PLS1: variants seen among roughly 807,000 people sequenced by gnomAD.
PLS1 encodes the protein plastin-1.
A neutral mutation model predicts 73.7 loss-of-function variants in PLS1; 32 were observed. That is an observed-to-expected ratio of 0.43 (90% CI 0.33 to 0.58). The LOEUF (loss-of-function observed/expected upper bound fraction) is 0.58, where lower values mean the gene tolerates loss of function less well. Ranked by LOEUF, PLS1 falls within the 20% of genes least tolerant of loss-of-function variation. The pLI, the probability that PLS1 is intolerant of heterozygous loss-of-function variation, is 0.04. For missense variants in PLS1, 633 were observed against 740.5 expected (o/e 0.85, Z 1.68); for synonymous variants, 217 against 261.3 (o/e 0.83, Z 1.63).
At position 142,671,116 on chromosome 3, in the gene PLS1, T is replaced by A; in HGVS notation, c.358T>A (p.Tyr120Asn). The A allele has an allele frequency of 6.2e-7, 1 of 1,611,062 alleles. No individual in the cohort carries two copies. Among genetic ancestry groups the A allele is most frequent in the Non-Finnish European group, 8.5e-7 (1 of 1,177,940 alleles). ...TTCCAGTGAGGGCACACAGCATTCT[T>A]ATTCAGGTAACTGACTTCTCCAAAT... is the stretch of plus-strand genomic sequence containing the variant. ...TISSEGTQHS[Y>N]SEEEKVAFVN... Residue 120 changes from tyrosine (Y) to asparagine (N), a missense_variant, in exon 4 of 16, where the codon TAT becomes AAT. Transcript: ENST00000457734.
chr3:142,668,766 T>TAAA (rs1428912310), intron 2 of PLS1, among the ~76,000 whole-genome samples: 1 of 152,110 alleles, frequency 6.6e-6, no homozygotes, highest in Non-Finnish European at 1.5e-5. Flanking sequence ...TATGCCCAGC[T>TAAA]AATTTTTCCA....
At chr3:142,626,149 T>C (rs2036423271) in intron 1 of PLS1, among the ~76,000 whole-genome samples, 1 of 152,194 alleles carries the variant, frequency 6.6e-6, no homozygotes. Flanking sequence ...TAGGAACTGC[T>C]ACTTCCTCCC....
At chr3:142,631,583 C>G (rs2036563618) in intron 1 of PLS1, among the ~76,000 whole-genome samples, 1 of 146,834 alleles carries the variant, frequency 6.8e-6, no homozygotes, top group East Asian at 2.0e-4. Context: ...ATTACTTGAG[C>G]CTGGGAGGTC....
chr3:142,700,702 G>A (rs2038314759), intron 12 of PLS1, among the ~76,000 whole-genome samples: 1 of 152,122 alleles, frequency 6.6e-6, no homozygotes, highest in South Asian at 2.1e-4. Flanking sequence ...AATGATCTAA[G>A]CTTCATTTTT....
chr3:142,690,456 T>G (rs1168039999), intron 10 of PLS1, among the ~76,000 whole-genome samples: 1 of 152,216 alleles, frequency 6.6e-6, no homozygotes, highest in Non-Finnish European at 1.5e-5. Flanking sequence ...TATTTCTCTC[T>G]TAATATGCCC....
chr3:142,695,552 G>A (rs1380413738), intron 11 of PLS1, among the ~76,000 whole-genome samples: 1 of 152,104 alleles, frequency 6.6e-6, no homozygotes, highest in Admixed American at 6.6e-5. Context: ...TTGAAGGTGA[G>A]GAGGGATTCA....
chr3:142,690,823 C>T (rs1560071571), intron 10 of PLS1, among the ~76,000 whole-genome samples: 1 of 152,000 alleles, frequency 6.6e-6, no homozygotes, highest in Non-Finnish European at 1.5e-5. Context: ...TTCTTTTTTT[C>T]CCACTCTCAT....
At chr3:142,608,582 G>T (rs767974574) in intron 1 of PLS1, among the ~76,000 whole-genome samples, 3 of 152,166 alleles carry the variant, frequency 2.0e-5, no homozygotes, top group Non-Finnish European at 4.4e-5. Flanking sequence ...GATGAGATTT[G>T]AACTCAGGGC....
intron 1 of PLS1, among the ~76,000 whole-genome samples, chr3:142,625,675 A>T (rs1190825738): frequency 6.6e-6 from 1 of 152,166 alleles, no homozygotes; most frequent in African/African-American, 2.4e-5. Context: ...ATACTAGGGT[A>T]TATATGAAAA....
At chr3:142,675,150 C>A (rs1275358999) in intron 4 of PLS1, among the ~76,000 whole-genome samples, 1 of 152,106 alleles carries the variant, frequency 6.6e-6, no homozygotes, top group Non-Finnish European at 1.5e-5. Flanking sequence ...GCTCTCTAAA[C>A]CTTTTGGGGA....
intron 1 of PLS1, among the ~76,000 whole-genome samples, chr3:142,605,765 A>G (rs1393639837): frequency 6.6e-6 from 1 of 152,240 alleles, no homozygotes; most frequent in African/African-American, 2.4e-5. Context: ...GAGCATATTA[A>G]CATTAAAATG....
At chr3:142,706,525 T>C (rs2038466347) in intron 14 of PLS1, among the ~76,000 whole-genome samples, 2 of 152,196 alleles carry the variant, frequency 1.3e-5, no homozygotes, top group Admixed American at 6.5e-5. Flanking sequence ...TGGGTCAAGA[T>C]TGTAGAGGAT....
Position 142,684,311 on chromosome 3 carries a change from C to CG in PLS1, c.805dup (p.Glu269GlyfsTer28), listed in dbSNP as rs1560067850. 1 of 1,613,848 alleles carries CG rather than the reference C, an allele frequency of 6.2e-7. No homozygotes were observed. On this transcript the variant is annotated frameshift_variant, in exon 8 of 16. Coordinates refer to ENST00000457734, the MANE Select transcript of PLS1 (RefSeq NM_001145319.2). LOFTEE classifies it high-confidence loss of function. Reference sequence around the variant, plus strand: ...TAGAGGAGCTGATGAAGCTTTCTCCCGAGGAATTACTGCTGCGATGGGTGA... The same window carrying CG: ...TAGAGGAGCTGATGAAGCTTTCTCCCGGAGGAATTACTGCTGCGATGGGTGA...
intron 1 of PLS1, among the ~76,000 whole-genome samples, chr3:142,603,017 T>G (rs1356719273): frequency 6.6e-6 from 1 of 152,194 alleles, no homozygotes; most frequent in Non-Finnish European, 1.5e-5. Context: ...CTTCATCCAG[T>G]TCCGAATTAA....
rs1401021317 is a variant in PLS1, at chr3:142,712,184, AAC to A, written c.*181_*182del. 4 of 511,776 alleles carry A rather than the reference AAC, an allele frequency of 7.8e-6. No individual in the cohort carries two copies. The highest frequency in any genetic ancestry group is 6.0e-5 in the East Asian group (2 of 33,186). 31.7% of individuals were successfully genotyped at this position (511,776 alleles called of 1,614,324 possible). On this transcript the variant is annotated 3_prime_UTR_variant, in exon 16 of 16. Transcript: ENST00000457734. ...TTAGAGCTGGTCAGCCTTTTTGGGT[AAC>A]ACAGTTAATTTACCAACTGATACAG... is the stretch of plus-strand genomic sequence containing the variant.
chr3:142,618,705 C>T (rs1019723786), intron 1 of PLS1, among the ~76,000 whole-genome samples: 1 of 152,120 alleles, frequency 6.6e-6, no homozygotes, highest in African/African-American at 2.4e-5. Context: ...CAGCGACAGT[C>T]GGTAAAGCCC....
intron 4 of PLS1, among the ~76,000 whole-genome samples, chr3:142,672,552 C>T (rs1279618564): frequency 1.3e-5 from 2 of 151,798 alleles, no homozygotes; most frequent in East Asian, 1.9e-4. Flanking sequence ...ACCGTGTTAG[C>T]CAGGATGGTC....
intron 1 of PLS1, among the ~76,000 whole-genome samples, chr3:142,650,154 A>G (rs944061196): frequency 6.6e-6 from 1 of 151,582 alleles, no homozygotes; most frequent in Non-Finnish European, 1.5e-5. Flanking sequence ...CTACCCTGCC[A>G]GAATGTGTCT....
At chr3:142,652,221 T>TA (rs1283407028) in intron 1 of PLS1, among the ~76,000 whole-genome samples, 6 of 152,182 alleles carry the variant, frequency 3.9e-5, no homozygotes, top group African/African-American at 1.4e-4. Context: ...TTCCTCAGCT[T>TA]ACAGGTTATC....
Sources: gnomAD v4.1 joint callset for allele counts (sites outside exome capture counted in the v4.1 genomes callset) on GRCh38, gnomAD v4.1.1 for gene constraint, MANE v1.5 for transcripts, NCBI Gene and HGNC (gene_info 2026-07-23, HGNC 2026-07-21) for gene names.